The following STK32C variants were observed in gnomAD, a reference collection of about 807,000 sequenced individuals.
STK32C encodes serine/threonine kinase 32C, also known as serine/threonine-protein kinase 32C.
Under a neutral mutation model 56.5 loss-of-function variants are expected in STK32C, and 31 were observed. That is an observed-to-expected ratio of 0.55 (90% CI 0.41 to 0.74). The LOEUF (loss-of-function observed/expected upper bound fraction) is 0.74. Ranked by LOEUF, STK32C falls within the 30% of genes least tolerant of loss-of-function variation. The pLI is 0.00. For missense variants in STK32C, 544 were observed against 676.9 expected (o/e 0.80, Z 2.18); for synonymous variants, 309 against 289.4 (o/e 1.07, Z -0.69).
chr10:132,331,200 CAAAAAAAAAAAAA>C (rs35734065), intron 1 of STK32C, among the ~76,000 whole-genome samples: 3 of 56,332 alleles, frequency 5.3e-5, no homozygotes, highest in African/African-American at 1.4e-4. Flanking sequence ...GACTCCACCT[CAAAAAAAAAAAAA>C]AAAAAAAAAA....
intron 1 of STK32C, among the ~76,000 whole-genome samples, chr10:132,277,252 C>A (rs991061955): frequency 2.6e-5 from 4 of 152,110 alleles, no homozygotes; most frequent in African/African-American, 9.7e-5. Context: ...GGGCCCTCCA[C>A]GAGAGCCGCT....
chr10:132,268,348 C>A (rs1261246885), intron 1 of STK32C, among the ~76,000 whole-genome samples: 1 of 137,168 alleles, frequency 7.3e-6, no homozygotes, highest in Non-Finnish European at 1.5e-5. Flanking sequence ...CATGTGTATG[C>A]GGGTTCAGCT....
At chr10:132,233,203 G>A (rs1207823943) in intron 2 of STK32C, among the ~76,000 whole-genome samples, 10 of 152,136 alleles carry the variant, frequency 6.6e-5, no homozygotes, top group African/African-American at 1.4e-4. Flanking sequence ...TGTCTGCAGC[G>A]GCTGAAGAAG....
intron 10 of STK32C, among the ~76,000 whole-genome samples, chr10:132,211,020 G>A (rs934472993): frequency 2.5e-4 from 38 of 152,182 alleles, no homozygotes; most frequent in Admixed American, 2.4e-3. Context: ...AGACTCCCAC[G>A]CTCTCTGCGG....
intron 1 of STK32C, among the ~76,000 whole-genome samples, chr10:132,281,747 C>T (rs1342808185): frequency 6.6e-6 from 1 of 152,246 alleles, no homozygotes; most frequent in Non-Finnish European, 1.5e-5. Context: ...CAGATTCCCT[C>T]CCGGCACCTG....
At chr10:132,244,366 A>G (rs2063610481) in intron 2 of STK32C, among the ~76,000 whole-genome samples, 3 of 152,212 alleles carry the variant, frequency 2.0e-5, no homozygotes, top group South Asian at 2.1e-4. Context: ...CAAGGAGTAG[A>G]ACCCTGGCAG....
rs1169801217 is a variant in STK32C, at chr10:132,229,224, A to C, written c.319-1096T>G. 2.0e-5 allele frequency among the ~76,000 whole-genome samples: 3 copies of C among 152,194 alleles called. No individual in the cohort carries two copies. In the East Asian group the frequency reaches 5.8e-4, roughly 29 times the overall value. On this transcript the variant is annotated intron_variant, in intron 2 of 11. Coordinates refer to ENST00000298630, the MANE Select transcript of STK32C (RefSeq NM_173575.4). ...GACAGGTAATCCAGACCCGTTTCCAAGGCCTTCCACAACCTCTGCTCTCTG... is the reference window on the plus strand; with the variant it reads ...GACAGGTAATCCAGACCCGTTTCCACGGCCTTCCACAACCTCTGCTCTCTG...
intron 1 of STK32C, chr10:132,330,509 G>A: frequency 1.4e-6 from 1 of 716,842 alleles, no homozygotes; most frequent in Non-Finnish European, 2.6e-6. Context: ...AGTTGGGTAT[G>A]TACGAAAACT....
intron 1 of STK32C, among the ~76,000 whole-genome samples, chr10:132,303,244 G>A (rs2065962664): frequency 6.6e-6 from 1 of 152,242 alleles, no homozygotes; most frequent in Non-Finnish European, 1.5e-5. Flanking sequence ...GAGAAGGAGA[G>A]AGCTTTCTCA....
At chr10:132,215,140 T>TC (rs2062430650) in intron 10 of STK32C, among the ~76,000 whole-genome samples, 1 of 152,162 alleles carries the variant, frequency 6.6e-6, no homozygotes, top group South Asian at 2.1e-4. Flanking sequence ...TGCCTCAGCC[T>TC]CCTGCGTAGC....
intron 1 of STK32C, among the ~76,000 whole-genome samples, chr10:132,305,841 T>G (rs546773784): frequency 1.3e-5 from 2 of 152,316 alleles, no homozygotes; most frequent in Admixed American, 1.3e-4. Context: ...GCCCTCCTGA[T>G]TTCACCACAC....
Position 132,244,307 on chromosome 10 carries a change from C to T in STK32C, c.318+1593G>A, listed in dbSNP as rs543729089. ...GCTCCTGTTCCCCGCATTCCACAGC[C>T]GCCCATTTCTGGGCCAGCTGGCGTT... On this transcript the variant is annotated intron_variant, in intron 2 of 11. Transcript: ENST00000298630. Among the ~76,000 whole-genome samples, 103 of 152,330 alleles carry T rather than the reference C, an allele frequency of 6.8e-4. 4 individuals are homozygous for T. Among genetic ancestry groups the T allele is most frequent in the Non-Finnish European group, 4.1e-4 (28 of 68,034 alleles).
intron 10 of STK32C, among the ~76,000 whole-genome samples, chr10:132,222,337 T>C (rs868343858): frequency 6.6e-6 from 1 of 152,166 alleles, no homozygotes; most frequent in East Asian, 1.9e-4. Flanking sequence ...GGGCTTCACA[T>C]AGCCGTCCCC....
intron 2 of STK32C, among the ~76,000 whole-genome samples, chr10:132,244,918 A>T (rs1020590090): frequency 2.6e-5 from 4 of 152,180 alleles, no homozygotes; most frequent in African/African-American, 9.7e-5. Context: ...AAAACGGTGC[A>T]GGTCCACGGG....
chr10:132,225,918 G>A, intron 4 of STK32C, 134 bp from the exon 5 acceptor site: 2 of 1,189,560 alleles, frequency 1.7e-6, no homozygotes, highest in Non-Finnish European at 2.4e-6. Context: ...AGCTTGACTT[G>A]GTCCTTGGAT....
At chr10:132,251,206 C>T (rs2063892573) in intron 1 of STK32C, among the ~76,000 whole-genome samples, 2 of 152,220 alleles carry the variant, frequency 1.3e-5, no homozygotes, top group Admixed American at 1.3e-4. Flanking sequence ...GGCCATGAAT[C>T]TGCTCCCAGG....
Position 132,237,006 on chromosome 10 carries a change from G to A in STK32C, c.319-8878C>T, listed in dbSNP as rs112540580. On this transcript the variant is annotated intron_variant, in intron 2 of 11. Coordinates refer to ENST00000298630, the MANE Select transcript of STK32C (RefSeq NM_173575.4). The stretch of plus-strand genomic sequence containing the variant: ...ACTGTGGTTGTATCACGGAAACCCT[G>A]TCTGCCCCAGTTCCACCCCTAACGA... Among the ~76,000 whole-genome samples the A allele has an allele frequency of 8.5e-5, 13 of 152,298 alleles. No individual in the cohort carries two copies. The South Asian group carries it at 1.4e-3, about 17-fold the overall frequency.
At chr10:132,252,132 G>T (rs1007911616) in intron 1 of STK32C, among the ~76,000 whole-genome samples, 3 of 152,246 alleles carry the variant, frequency 2.0e-5, no homozygotes, top group South Asian at 4.1e-4. Context: ...CCAAGAACCC[G>T]CTAGGGACAT....
At chr10:132,319,882 C>A (rs766289996), downstream of STK32C, among the ~76,000 whole-genome samples, 2 of 151,606 alleles carry the variant, frequency 1.3e-5, no homozygotes, top group Non-Finnish European at 2.9e-5. Context: ...ATCTATTGCA[C>A]CTTAGATGGA....
Sources: gnomAD v4.1 joint callset for allele counts (sites outside exome capture counted in the v4.1 genomes callset) on GRCh38, gnomAD v4.1.1 for gene constraint, MANE v1.5 for transcripts, NCBI Gene and HGNC (gene_info 2026-07-23, HGNC 2026-07-21) for gene names.